CORO7: variants seen among roughly 807,000 people sequenced by gnomAD.
CORO7 encodes coronin 7.
A neutral mutation model predicts 126.6 loss-of-function variants in CORO7; 107 were observed. The ratio of observed to expected loss-of-function variants is 0.85; its 90% CI spans 0.72 to 0.99. The LOEUF is 0.99. Among genes scored for constraint, CORO7 ranks in the 50% least tolerant of loss-of-function variants. The probability of loss-of-function intolerance (pLI) is 0.00; values close to 1 mark genes in which losing one functional copy is unlikely to be tolerated. For synonymous variants in CORO7, 603 were observed against 536.8 expected, an observed-to-expected ratio of 1.12 and a Z score of -1.70; for missense variants, 1,314 against 1,255.8, an observed-to-expected ratio of 1.05 and a Z score of -0.70.
chr16:4,402,100 G>T (rs1030171359), intron 6 of CORO7, among the ~76,000 whole-genome samples: 1 of 151,910 alleles, frequency 6.6e-6, no homozygotes, highest in Non-Finnish European at 1.5e-5. Context: ...CAACATGCCT[G>T]GCTAATTTTT....
At position 4,364,895 on chromosome 16, in the gene CORO7, C is replaced by T. The variant is rs1162219855; in HGVS notation, c.924G>A (p.Val308=). 1.9e-6 allele frequency: 3 copies of T among 1,611,244 alleles called. No homozygotes were observed. Among genetic ancestry groups the T allele is most frequent in the Admixed American group, 1.7e-5 (1 of 59,840 alleles). ...SPVTQCVLES[V]LRGAALVPRQ... The stretch of plus-strand genomic sequence containing the variant: ...GGGGCACAAGGGCAGCCCCACGCAG[C>T]ACGCTCTCCAGGACACACTGGGTCA... The change falls in exon 12 of 28, where the codon GTG becomes GTA. Residue 308 remains valine (V), a synonymous_variant. Transcript: ENST00000251166.
intron 16 of CORO7, 144 bp from the exon 17 acceptor site, chr16:4,361,613 G>C (rs1241494391): frequency 3.9e-6 from 4 of 1,018,566 alleles, no homozygotes; most frequent in Non-Finnish European, 5.9e-6. Flanking sequence ...TCTCTGCCCT[G>C]ACCACCTTGC....
At chr16:4,403,900 C>T (rs1288529797) in intron 6 of CORO7, among the ~76,000 whole-genome samples, 1 of 152,306 alleles carries the variant, frequency 6.6e-6, no homozygotes, top group African/African-American at 2.4e-5. Flanking sequence ...CAGGGCTCAT[C>T]CCTCAAGGAC....
At chr16:4,415,888 C>T in intron 1 of CORO7, 5 of 985,672 alleles carry the variant, frequency 5.1e-6, no homozygotes, top group Non-Finnish European at 6.0e-6. Flanking sequence ...GCAGCATCAC[C>T]GAGATAAAGA....
chr16:4,380,082 G>T (rs1378690803), intron 9 of CORO7, among the ~76,000 whole-genome samples: 1 of 149,680 alleles, frequency 6.7e-6, no homozygotes, highest in Non-Finnish European at 1.5e-5. Flanking sequence ...AAAAGTAGAT[G>T]AATGACTCTG....
intron 6 of CORO7, 25 bp from the exon 7 acceptor site, chr16:4,395,364 A>G: frequency 6.2e-7 from 1 of 1,613,806 alleles, no homozygotes. Flanking sequence ...AGGAGGAAAC[A>G]ACTTGCGATT....
rs1191831813 is a variant in CORO7 at position 4,361,417 on chromosome 16, C to T, written c.1631G>A (p.Gly544Glu). ...CCAGGCCAGATCAGTCACAGCTGCC[C>T]CATTCTGCAGCGTGGGCAGTGCCGT... ...PDTALPTLQN[G>E]AAVTDLAWDP... is the part of the protein sequence containing the mutation. Residue 544 changes from glycine (G) to glutamate (E), a missense_variant, in exon 17 of 28, where the codon GGG becomes GAG. Transcript: ENST00000251166. 5 of 1,611,842 alleles carry T rather than the reference C, an allele frequency of 3.1e-6. No individual in the cohort carries two copies. Among genetic ancestry groups the T allele is most frequent in the Non-Finnish European group, 4.2e-6 (5 of 1,179,726 alleles).
chr16:4,412,326 G>T lies in CORO7; in HGVS notation c.232+30C>A, dbSNP rs757573410. ...CTGGAGAGGGAGGTGCAAGTTTCAG[G>T]CTTCACCCACTAGTCAGACACCCAC... On this transcript the variant is annotated intron_variant, in intron 3 of 27. Coordinates refer to ENST00000251166, the MANE Select transcript of CORO7 (RefSeq NM_024535.5). 5 of 1,612,560 alleles carry T rather than the reference G, an allele frequency of 3.1e-6. No homozygotes were observed. In the African/African-American group the frequency reaches 5.3e-5, roughly 17 times the overall value.
intron 9 of CORO7, chr16:4,381,318 C>T (rs1466242785): frequency 3.7e-6 from 6 of 1,611,478 alleles, no homozygotes; most frequent in African/African-American, 1.3e-5. Flanking sequence ...TCGACACGCT[C>T]GACCGCCTCC....
intron 7 of CORO7, among the ~76,000 whole-genome samples, chr16:4,391,321 C>T (rs995871777): frequency 6.6e-6 from 1 of 152,070 alleles, no homozygotes; most frequent in African/African-American, 2.4e-5. Flanking sequence ...TTTGGGAGGC[C>T]GAGGCGGGTG....
intron 26 of CORO7, 197 bp downstream of exon 26, chr16:4,356,971 C>T: frequency 1.4e-6 from 1 of 734,702 alleles, no homozygotes; most frequent in Non-Finnish European, 2.2e-6. Flanking sequence ...GCAGGGCTCC[C>T]ACTGCCCTCC....
In CORO7 at chr16:4,391,537, CAGAGCA is replaced by C. The variant is rs564446881; in HGVS notation, c.616-2912_616-2907del. On this transcript the variant is annotated intron_variant, in intron 7 of 27. Transcript: ENST00000251166. ...TGCCCCTGTGCTCCAGCCTGGGTGA[CAGAGCA>C]AGACTCTATCTCAAAAAACAAACAA... Among the ~76,000 whole-genome samples the C allele has an allele frequency of 3.5e-3, 533 of 152,316 alleles. 5 individuals are homozygous for C. The highest frequency in any genetic ancestry group is 0.012 in the African/African-American group (511 of 41,582).
chr16:4,373,863 C>T (rs148661620), intron 9 of CORO7, among the ~76,000 whole-genome samples: 2,625 of 152,190 alleles, frequency 0.017, 35 homozygotes, highest in Non-Finnish European at 0.026. Flanking sequence ...AGAGGGGAGG[C>T]TGCCCACAGG....
intron 26 of CORO7, among the ~76,000 whole-genome samples, chr16:4,356,254 C>T (rs1192336553): frequency 6.6e-6 from 1 of 151,432 alleles, no homozygotes; most frequent in African/African-American, 2.4e-5. Context: ...TGCCTGGCCA[C>T]ACCTGGTTAA....
chr16:4,403,204 G>A (rs1380947465), intron 6 of CORO7, among the ~76,000 whole-genome samples: 1 of 152,172 alleles, frequency 6.6e-6, no homozygotes, highest in Non-Finnish European at 1.5e-5. Context: ...CACAGCTCAG[G>A]ACAAGCCCTC....
intron 21 of CORO7, 60 bp from the exon 22 acceptor site, chr16:4,359,681 G>A: frequency 1.3e-6 from 2 of 1,533,326 alleles, no homozygotes; most frequent in Admixed American, 2.0e-5. Context: ...CTGGGGCAGG[G>A]AGAAGGCGCC....
At chr16:4,381,002 AG>A in intron 9 of CORO7, 1 of 1,608,636 alleles carries the variant, frequency 6.2e-7, no homozygotes, top group Non-Finnish European at 8.5e-7. Context: ...ACTGCCCGCC[AG>A]GGGACCACGG....
chr16:4,394,947 C>T (rs1225862091), intron 7 of CORO7, among the ~76,000 whole-genome samples: 1 of 152,234 alleles, frequency 6.6e-6, no homozygotes, highest in Non-Finnish European at 1.5e-5. Context: ...CTTTTTGGCT[C>T]CTCTGCAGCT....
At chr16:4,386,912 G>A (rs903728269) in intron 9 of CORO7, among the ~76,000 whole-genome samples, 5 of 152,178 alleles carry the variant, frequency 3.3e-5, no homozygotes, top group African/African-American at 4.8e-5. Context: ...GGAAGATCCC[G>A]CAGCCTTCCT....
Sources: gnomAD v4.1 joint callset for allele counts (sites outside exome capture counted in the v4.1 genomes callset) on GRCh38, gnomAD v4.1.1 for gene constraint, MANE v1.5 for transcripts, NCBI Gene and HGNC (gene_info 2026-07-23, HGNC 2026-07-21) for gene names.